The following IMPA2 variants were observed in gnomAD, a reference collection of about 807,000 sequenced individuals.
The protein encoded by IMPA2 is inositol monophosphatase 2, also known as IMP 2.
IMPA2 carries 32 observed loss-of-function variants against 35.1 expected under a neutral mutation model. The observed-to-expected ratio is 0.91, with a 90% CI of 0.69 to 1.23. The LOEUF (loss-of-function observed/expected upper bound fraction) is 1.23, where lower values mean the gene tolerates loss of function less well. Among genes scored for constraint, IMPA2 ranks in the 50% most tolerant of loss-of-function variants. The pLI is 0.00. For synonymous variants in IMPA2, 135 were observed against 160.6 expected (o/e 0.84, Z 1.20); for missense variants, 334 against 387.6 (o/e 0.86, Z 1.16).
chr18:12,000,297 T>TAC (rs1405528775), intron 2 of IMPA2, among the ~76,000 whole-genome samples: 1 of 150,996 alleles, frequency 6.6e-6, no homozygotes, highest in Non-Finnish European at 1.5e-5. Flanking sequence ...TTCAGCCTCC[T>TAC]GAGTAGCTGG....
At chr18:12,008,723 G>A (rs974004898) in intron 2 of IMPA2, 1 of 362,864 alleles carries the variant, frequency 2.8e-6, no homozygotes, top group Non-Finnish European at 5.5e-6. Context: ...TGAGCAGGGG[G>A]TGCTGGGAGT....
intron 3 of IMPA2, among the ~76,000 whole-genome samples, chr18:12,011,224 G>A (rs1347642102): frequency 2.0e-5 from 3 of 152,198 alleles, no homozygotes; most frequent in Admixed American, 6.5e-5. Flanking sequence ...TGGGAAAAGA[G>A]CAGCAATTTC....
intron 2 of IMPA2, 81 bp from the exon 3 acceptor site, chr18:12,009,801 CT>C (rs1907381620): frequency 9.9e-7 from 1 of 1,012,046 alleles, no homozygotes; most frequent in East Asian, 2.4e-5. Context: ...CCACCTTTTT[CT>C]TTAATGGGAC....
chr18:12,004,164 G>T (rs1056932916), intron 2 of IMPA2, among the ~76,000 whole-genome samples: 1 of 152,176 alleles, frequency 6.6e-6, no homozygotes, highest in Non-Finnish European at 1.5e-5. Flanking sequence ...TTCCCACTGG[G>T]CAGTGGCTTG....
chr18:12,030,346 G>C lies in IMPA2; in HGVS notation c.755G>C (p.Gly252Ala). 6.2e-7 allele frequency: 1 copy of C among 1,613,938 alleles called. No individual in the cohort carries two copies. Among genetic ancestry groups the C allele is most frequent in the South Asian group, 1.1e-5 (1 of 91,080 alleles). ...AGGIVIDTSG[G>A]PLDLMACRVV... ...GGCTCTCTCTGTCTGTCCCCAGGTG[G>C]ACCCCTCGACCTCATGGCTTGCAGA... The change falls in exon 8 of 8, where the codon GGA (glycine) becomes GCA (alanine). Residue 252 changes from glycine to alanine, a missense_variant. Coordinates refer to ENST00000269159, the MANE Select transcript of IMPA2 (RefSeq NM_014214.3).
In IMPA2 at chr18:12,029,410, G is replaced by T. The variant is rs547633774; in HGVS notation, c.751+417G>T. Among the ~76,000 whole-genome samples the T allele has an allele frequency of 1.1e-4, 17 of 150,938 alleles. No homozygotes were observed. The South Asian group carries it at 2.5e-3, about 22-fold the overall frequency. ...ATTACAGGCATGAGCCACTATGCCC[G>T]ACCCCATTCCACATTTTTTCTTTTT... On this transcript the variant is annotated intron_variant, in intron 7 of 7. Transcript: ENST00000269159.
At chr18:12,030,318 C>T (rs369871616) in intron 7 of IMPA2, 25 bp from the exon 8 acceptor site, 9 of 1,584,434 alleles carry the variant, frequency 5.7e-6, no homozygotes, top group Non-Finnish European at 7.8e-6. Context: ...AACCCGGATG[C>T]CTGGCTCTCT....
intron 5 of IMPA2, among the ~76,000 whole-genome samples, chr18:12,022,972 T>G (rs529922737): frequency 2.1e-5 from 3 of 141,944 alleles, no homozygotes; most frequent in Admixed American, 1.4e-4. Context: ...TTTTTGTACT[T>G]TTAGTAGTGA....
At chr18:12,018,263 TAA>T (rs1451406970) in intron 5 of IMPA2, 2 of 152,376 alleles carry the variant, frequency 1.3e-5, no homozygotes, top group African/African-American at 2.4e-5. Flanking sequence ...CTTAAAAAAA[TAA>T]AAAGATAACC....
chr18:11,987,685 A>G (rs1906704098), intron 1 of IMPA2, among the ~76,000 whole-genome samples: 1 of 152,186 alleles, frequency 6.6e-6, no homozygotes, highest in Admixed American at 6.5e-5. Context: ...AATACGGGTA[A>G]CGTTGCTGTG....
chr18:12,017,438 A>G (rs907707330), intron 5 of IMPA2, among the ~76,000 whole-genome samples: 7 of 152,160 alleles, frequency 4.6e-5, no homozygotes, highest in Admixed American at 2.0e-4. Context: ...TCAGCAAATA[A>G]TCCCATCAGT....
In IMPA2 at chr18:11,999,640, C is replaced by T. The variant is rs555078964; in HGVS notation, c.230+453C>T. ...GGCACTGGCAGCCGCGTGGGGCCCC[C>T]GGCCCACCACTAGTGCTTAGTGATG... is the stretch of plus-strand genomic sequence containing the variant. On this transcript the variant is annotated intron_variant, in intron 2 of 7. Transcript: ENST00000269159. Among the ~76,000 whole-genome samples the T allele has an allele frequency of 8.5e-5, 13 of 152,336 alleles. No individual in the cohort carries two copies. The East Asian group carries it at 2.5e-3, about 29-fold the overall frequency.
intron 2 of IMPA2, among the ~76,000 whole-genome samples, chr18:12,002,611 A>C (rs1598691672): frequency 6.6e-6 from 1 of 150,660 alleles, no homozygotes; most frequent in East Asian, 2.0e-4. Context: ...CCATCTCTAC[A>C]AAAAAATTAA....
At chr18:12,002,421 A>G (rs1022062947) in intron 2 of IMPA2, among the ~76,000 whole-genome samples, 7 of 152,160 alleles carry the variant, frequency 4.6e-5, no homozygotes, top group Non-Finnish European at 7.4e-5. Context: ...ATGAAATCCA[A>G]AGGTTTGCTC....
intron 5 of IMPA2, among the ~76,000 whole-genome samples, chr18:12,024,483 CA>C (rs11381754): frequency 1.3e-5 from 2 of 151,980 alleles, no homozygotes; most frequent in South Asian, 4.2e-4. Context: ...GACTCCATCT[CA>C]AAAAAACACA....
chr18:12,030,383 C>T lies in IMPA2; in HGVS notation c.792C>T (p.Ala264=), dbSNP rs1908013762. The change falls in exon 8 of 8, where the codon GCC becomes GCT. Residue 264 remains alanine (A), a synonymous_variant. Transcript: ENST00000269159. The stretch of plus-strand genomic sequence containing the variant: ...TCATGGCTTGCAGAGTGGTTGCGGC[C>T]AGCACCCGGGAGATGGCGATGCTCA... ...LDLMACRVVA[A]STREMAMLIA... is the part of the protein sequence containing the mutation. 1.2e-6 allele frequency: 2 copies of T among 1,614,236 alleles called. No individual in the cohort carries two copies. The highest frequency in any genetic ancestry group is 1.3e-5 in the African/African-American group (1 of 75,048).
rs771557867 is a variant in IMPA2 at position 11,991,682 on chromosome 18, A to G, written c.97-7372A>G. Among the ~76,000 whole-genome samples the G allele has an allele frequency of 6.6e-6, 1 of 152,154 alleles. No homozygotes were observed. Among genetic ancestry groups the G allele is most frequent in the Non-Finnish European group, 1.5e-5 (1 of 68,022 alleles). ...GGCAGGAAGAGTTGTTCATGTGGAC[A>G]GAGTCCCAAGGCCATTTGCGGAGAA... On this transcript the variant is annotated intron_variant, in intron 1 of 7. Transcript: ENST00000269159. This position sits in a 1 kb window ranked among gnomAD's most constrained non-coding sequence, Gnocchi z 4.1.
chr18:12,024,087 T>G (rs1011819968), intron 5 of IMPA2, among the ~76,000 whole-genome samples: 3 of 152,216 alleles, frequency 2.0e-5, no homozygotes, highest in African/African-American at 7.2e-5. Flanking sequence ...ATTGTTCATC[T>G]TCAGGGGAAT....
intron 7 of IMPA2, among the ~76,000 whole-genome samples, chr18:12,029,351 T>A (rs1285091192): frequency 6.6e-6 from 1 of 151,938 alleles, no homozygotes; most frequent in East Asian, 1.9e-4. Flanking sequence ...CCTGACCTCG[T>A]GATCCGCCTG....
Sources: gnomAD v4.1 joint callset for allele counts (sites outside exome capture counted in the v4.1 genomes callset) on GRCh38, gnomAD v4.1.1 for gene constraint, Gnocchi (gnomAD v3.1) non-coding constraint, MANE v1.5 for transcripts, NCBI Gene and HGNC (gene_info 2026-07-23, HGNC 2026-07-21) for gene names.